CCDC150: variants seen among roughly 807,000 people sequenced by gnomAD.
CCDC150 encodes the protein coiled-coil domain-containing protein 150.
CCDC150 carries 151 observed loss-of-function variants against 156.5 expected under a neutral mutation model. That is an observed-to-expected ratio of 0.97 (90% CI 0.85 to 1.10). CCDC150 has a LOEUF of 1.10. CCDC150 is among the 50% of genes least tolerant of loss of function. The pLI is 0.00. For missense variants in CCDC150, 1,312 were observed against 1,268.1 expected (o/e 1.03, Z -0.53); for synonymous variants, 452 against 429.4 (o/e 1.05, Z -0.65).
Position 196,718,538 on chromosome 2 carries a change from G to A in CCDC150, c.1902G>A (p.Leu634=), listed in dbSNP as rs1180607226. 3 of 1,613,492 alleles carry A rather than the reference G, an allele frequency of 1.9e-6. No individual in the cohort carries two copies. Among genetic ancestry groups the A allele is most frequent in the Non-Finnish European group, 1.7e-6 (2 of 1,179,648 alleles). The part of the protein sequence containing the change: ...KSILERSKEE[L]SRTVKCRNAA... ...TTCTTGAAAGAAGTAAAGAGGAGCTGTCCCGAACAGTGAAGTGTCGTAATG... is the reference window on the plus strand; with the variant it reads ...TTCTTGAAAGAAGTAAAGAGGAGCTATCCCGAACAGTGAAGTGTCGTAATG... The change falls in exon 18 of 28, where the codon CTG becomes CTA. Residue 634 remains leucine, a synonymous_variant. Coordinates refer to ENST00000389175, the MANE Select transcript of CCDC150 (RefSeq NM_001080539.2).
At chr2:196,677,428 C>A in intron 13 of CCDC150, 67 bp downstream of exon 13, 2 of 1,055,778 alleles carry the variant, frequency 1.9e-6, no homozygotes, top group Non-Finnish European at 1.4e-6. Flanking sequence ...ACCGTATCAG[C>A]TTATCTTAAT....
chr2:196,705,336 G>C (rs554827838), intron 15 of CCDC150, among the ~76,000 whole-genome samples: 1 of 152,132 alleles, frequency 6.6e-6, no homozygotes, highest in African/African-American at 2.4e-5. Context: ...GTGTCTGTTG[G>C]CTGCATAAAT....
chr2:196,643,122 A>G (rs1331237030), intron 1 of CCDC150, among the ~76,000 whole-genome samples: 1 of 152,218 alleles, frequency 6.6e-6, no homozygotes, highest in Non-Finnish European at 1.5e-5. Context: ...GATGACCTGA[A>G]CAGGATTCTC....
chr2:196,677,228 T>C, intron 12 of CCDC150, 65 bp from the exon 13 acceptor site: 1 of 985,772 alleles, frequency 1.0e-6, no homozygotes, highest in East Asian at 2.6e-5. Context: ...ATGTGTGCTA[T>C]AGTGGAGCCT....
chr2:196,728,214 TA>T (rs1374667584), intron 22 of CCDC150, among the ~76,000 whole-genome samples: 1 of 152,144 alleles, frequency 6.6e-6, no homozygotes, highest in South Asian at 2.1e-4. Flanking sequence ...TGCCTGAACA[TA>T]ATACTCAGTA....
chr2:196,677,563 T>C (rs922934084), intron 13 of CCDC150, among the ~76,000 whole-genome samples: 4 of 152,210 alleles, frequency 2.6e-5, no homozygotes, highest in African/African-American at 9.6e-5. Flanking sequence ...GTTGAGCATC[T>C]GATGTTTGCC....
rs1697915178 is a variant in CCDC150, at chr2:196,721,567, A to G, written c.2305A>G (p.Arg769Gly). 1 of 1,608,678 alleles carries G rather than the reference A, an allele frequency of 6.2e-7. No individual in the cohort carries two copies. The highest frequency in any genetic ancestry group is 8.5e-7 in the Non-Finnish European group (1 of 1,177,846). The change falls in exon 21 of 28, where the codon AGG becomes GGG. Residue 769 changes from arginine to glycine, a missense_variant. Coordinates refer to ENST00000389175, the MANE Select transcript of CCDC150 (RefSeq NM_001080539.2). ...TCTAGGTGTAGCTAGAGAAGACAAC[A>G]GGAAACTTGCTATGAGTCTGGAACA... ...KALGVAREDN[R>G]KLAMSLEQAL...
chr2:196,710,140 G>A (rs1383196144), intron 15 of CCDC150, among the ~76,000 whole-genome samples: 1 of 152,236 alleles, frequency 6.6e-6, no homozygotes. Context: ...GAAGCAGGAG[G>A]TCTTGCTGAG....
chr2:196,731,982 A>T lies in CCDC150; in HGVS notation c.3070-51A>T, dbSNP rs887076763. 3.3e-5 allele frequency: 52 copies of T among 1,572,886 alleles called. No individual in the cohort carries two copies. In the Admixed American group the frequency reaches 9.5e-4, roughly 29 times the overall value. Reference sequence around the variant, plus strand: ...AATCTCTGCAACTAATACACAAAAAAACTTGTAACTCTTTCTTTGTGTCTT... The same window carrying T: ...AATCTCTGCAACTAATACACAAAAATACTTGTAACTCTTTCTTTGTGTCTT... On this transcript the variant is annotated intron_variant, in intron 26 of 27. Transcript: ENST00000389175.
At chr2:196,682,952 A>G (rs566446327) in intron 13 of CCDC150, among the ~76,000 whole-genome samples, 1 of 151,992 alleles carries the variant, frequency 6.6e-6, no homozygotes, top group East Asian at 1.9e-4. Flanking sequence ...TCTATTTGCT[A>G]TGTCTATTTG....
At chr2:196,718,874 A>G (rs1697707287) in intron 18 of CCDC150, among the ~76,000 whole-genome samples, 1 of 152,180 alleles carries the variant, frequency 6.6e-6, no homozygotes, top group African/African-American at 2.4e-5. Flanking sequence ...CAAAAGAGAA[A>G]GTTCTAATTT....
chr2:196,693,952 T>C (rs1016904328), intron 13 of CCDC150, among the ~76,000 whole-genome samples: 1 of 152,190 alleles, frequency 6.6e-6, no homozygotes, highest in African/African-American at 2.4e-5. Context: ...TTATTTTGAA[T>C]GTTCAACAAG....
chr2:196,708,641 G>T (rs1426661540), intron 15 of CCDC150, among the ~76,000 whole-genome samples: 2 of 152,140 alleles, frequency 1.3e-5, no homozygotes, highest in Non-Finnish European at 2.9e-5. Context: ...GCAGTGGCTG[G>T]TACCGGTTGT....
chr2:196,658,912 A>G, intron 5 of CCDC150, 52 bp downstream of exon 5: 2 of 1,238,260 alleles, frequency 1.6e-6, no homozygotes, highest in Non-Finnish European at 2.3e-6. Context: ...CAGAGGGGAA[A>G]TCAAGAAAGC....
chr2:196,694,001 T>C (rs1033870088), intron 13 of CCDC150, among the ~76,000 whole-genome samples: 17 of 152,144 alleles, frequency 1.1e-4, no homozygotes, highest in Admixed American at 6.5e-5. Flanking sequence ...ATTCCTAATT[T>C]ATTATCTTTT....
intron 17 of CCDC150, chr2:196,713,696 C>A: frequency 7.2e-7 from 1 of 1,386,042 alleles, no homozygotes; most frequent in South Asian, 2.0e-5. Context: ...AAGTGAAGAC[C>A]ACAAATTAAA....
chr2:196,712,858 AT>A, intron 17 of CCDC150, 119 bp downstream of exon 17: 1 of 755,012 alleles, frequency 1.3e-6, no homozygotes, highest in Non-Finnish European at 2.2e-6. Flanking sequence ...TAACAAAAAC[AT>A]TTAGTGAAGA....
intron 14 of CCDC150, among the ~76,000 whole-genome samples, chr2:196,695,637 A>G (rs1376813203): frequency 6.6e-6 from 1 of 152,060 alleles, no homozygotes; most frequent in East Asian, 1.9e-4. Context: ...AGGAAAGGAG[A>G]TTGAGACCAT....
chr2:196,712,364 C>G (rs1283700848), intron 16 of CCDC150, 112 bp downstream of exon 16: 1 of 621,636 alleles, frequency 1.6e-6, no homozygotes, highest in East Asian at 2.9e-5. Flanking sequence ...AATATGCTGT[C>G]ACTTGACTCA....
Sources: gnomAD v4.1 joint callset for allele counts (sites outside exome capture counted in the v4.1 genomes callset) on GRCh38, gnomAD v4.1.1 for gene constraint, MANE v1.5 for transcripts, NCBI Gene and HGNC (gene_info 2026-07-23, HGNC 2026-07-21) for gene names.